The following TBL1XR1 variants were observed in gnomAD, a reference collection of about 807,000 sequenced individuals.
TBL1XR1 encodes F-box-like/WD repeat-containing protein TBL1XR1.
In TBL1XR1, 5 loss-of-function variants were observed where a neutral mutation model predicts 66.9. The observed-to-expected ratio is 0.07, with a 90% CI of 0.04 to 0.16. The LOEUF is 0.16. TBL1XR1 is among the 10% of genes least tolerant of loss of function. The pLI is 1.00. For missense variants in TBL1XR1, 238 were observed against 623.2 expected (o/e 0.38, Z 6.58); for synonymous variants, 210 against 206.0 (o/e 1.02, Z -0.17).
At chr3:177,102,385 A>G (rs987806627) in intron 1 of TBL1XR1, among the ~76,000 whole-genome samples, 2 of 152,312 alleles carry the variant, frequency 1.3e-5, no homozygotes, top group African/African-American at 4.8e-5. Context: ...ACGCAGGACC[A>G]TATTTTTTTA....
chr3:177,083,833 T>TA (rs2108615866), intron 2 of TBL1XR1, among the ~76,000 whole-genome samples: 1 of 152,198 alleles, frequency 6.6e-6, no homozygotes, highest in East Asian at 1.9e-4. Context: ...CTCACGCCTG[T>TA]AATCCCAGCA....
chr3:177,107,254 A>C (rs1469973217), intron 1 of TBL1XR1, among the ~76,000 whole-genome samples: 1 of 152,210 alleles, frequency 6.6e-6, no homozygotes, highest in Non-Finnish European at 1.5e-5. Context: ...CTATTTATCC[A>C]CTACTGATGA....
intron 1 of TBL1XR1, among the ~76,000 whole-genome samples, chr3:177,144,563 C>G (rs1421718915): frequency 1.3e-5 from 2 of 151,814 alleles, no homozygotes; most frequent in African/African-American, 4.8e-5. Flanking sequence ...ACCATCCTGG[C>G]TAGCACAGTG....
Position 177,146,608 on chromosome 3 carries a change from G to A in TBL1XR1, c.-121-48067C>T, listed in dbSNP as rs1238331868. On this transcript the variant is annotated intron_variant, in intron 1 of 15. Coordinates refer to ENST00000457928, the MANE Select transcript of TBL1XR1 (RefSeq NM_024665.7). Reference sequence around the variant, plus strand: ...CCATCTCAAAAAAAAAAAAAAAAAAGTTGTATTCACTACTACTTTTACCAA... The same window carrying A: ...CCATCTCAAAAAAAAAAAAAAAAAAATTGTATTCACTACTACTTTTACCAA... Among the ~76,000 whole-genome samples, 375 of 43,292 alleles carry A rather than the reference G, an allele frequency of 8.7e-3. 2 individuals are homozygous for A. The highest frequency in any genetic ancestry group is 0.018 in the East Asian group (17 of 964). 28.4% of individuals were successfully genotyped at this position (43,292 alleles called of 152,430 possible). A position where few individuals can be genotyped will look rare whatever the true frequency, so the allele number is the denominator to read the frequency against.
At position 177,034,845 on chromosome 3, in the gene TBL1XR1, C is replaced by T. The variant is rs1708783752; in HGVS notation, c.1123-520G>A. On this transcript the variant is annotated intron_variant, in intron 12 of 15. Coordinates refer to ENST00000457928, the MANE Select transcript of TBL1XR1 (RefSeq NM_024665.7). ...AAAAGTAGTCAAAGTAGAGAATAAG[C>T]CTTTCCTGAGATGAAAATATGCCTG... is the stretch of plus-strand genomic sequence containing the variant. Among the ~76,000 whole-genome samples the T allele has an allele frequency of 2.0e-5, 3 of 151,658 alleles. No homozygotes were observed. In the South Asian group the frequency reaches 6.3e-4, roughly 32 times the overall value.
At chr3:177,049,646 T>C (rs1716785196) in intron 7 of TBL1XR1, among the ~76,000 whole-genome samples, 1 of 152,238 alleles carries the variant, frequency 6.6e-6, no homozygotes, top group Non-Finnish European at 1.5e-5. Context: ...TTTAGTATGT[T>C]GTTTGTTATT....
At chr3:177,047,093 A>G (rs1716430765) in intron 9 of TBL1XR1, among the ~76,000 whole-genome samples, 1 of 152,220 alleles carries the variant, frequency 6.6e-6, no homozygotes, top group Admixed American at 6.5e-5. Flanking sequence ...AGGTAAAATT[A>G]AAAGTGTTCA....
chr3:177,182,847 T>C (rs569580150), intron 1 of TBL1XR1, among the ~76,000 whole-genome samples: 1 of 152,186 alleles, frequency 6.6e-6, no homozygotes, highest in Non-Finnish European at 1.5e-5. Context: ...TAAAACAATA[T>C]AATTATCCAA....
intron 2 of TBL1XR1, among the ~76,000 whole-genome samples, chr3:177,083,040 C>A (rs1721637666): frequency 6.6e-6 from 1 of 151,764 alleles, no homozygotes; most frequent in Non-Finnish European, 1.5e-5. Flanking sequence ...AAAATAAATT[C>A]TAATCAATCC....
At chr3:177,153,704 A>G (rs1239456809) in intron 1 of TBL1XR1, among the ~76,000 whole-genome samples, 1 of 151,996 alleles carries the variant, frequency 6.6e-6, no homozygotes, top group African/African-American at 2.4e-5. Flanking sequence ...CCTGGCAGAC[A>G]TGATGAAACC....
chr3:177,193,010 G>C (rs79610136), intron 1 of TBL1XR1, among the ~76,000 whole-genome samples: 2 of 151,810 alleles, frequency 1.3e-5, no homozygotes, highest in Non-Finnish European at 2.9e-5. Flanking sequence ...AAAATTAGCC[G>C]GGAGTGGTGG....
chr3:177,119,169 A>G (rs147706796), intron 1 of TBL1XR1, among the ~76,000 whole-genome samples: 10,800 of 152,134 alleles, frequency 0.071, 538 homozygotes, highest in Admixed American at 0.17. Context: ...ATGGGGTTTC[A>G]CCATGTTGGC....
chr3:177,048,694 A>C (rs1201890444), intron 7 of TBL1XR1, among the ~76,000 whole-genome samples: 1 of 152,226 alleles, frequency 6.6e-6, no homozygotes, highest in African/African-American at 2.4e-5. Flanking sequence ...AAGATGAGAA[A>C]TCTCACAGGC....
chr3:177,072,702 T>C lies in TBL1XR1; in HGVS notation c.-45-7680A>G, dbSNP rs1720188444. On this transcript the variant is annotated intron_variant, in intron 2 of 15. Transcript: ENST00000457928. ...TAGCCACTTTTTTCATGGAACAGCG[T>C]TTATACTTCAAAGAAGAAATGACAA... is the stretch of plus-strand genomic sequence containing the variant. Among the ~76,000 whole-genome samples the C allele has an allele frequency of 2.0e-5, 3 of 152,304 alleles. No homozygotes were observed. The South Asian group carries it at 6.2e-4, about 32-fold the overall frequency.
At chr3:177,032,031 T>C (rs961777874) in intron 14 of TBL1XR1, among the ~76,000 whole-genome samples, 5 of 152,258 alleles carry the variant, frequency 3.3e-5, no homozygotes, top group African/African-American at 9.6e-5. Context: ...CATAAGAAAA[T>C]GCAAATTTAA....
At chr3:177,169,317 A>G (rs1450271004) in intron 1 of TBL1XR1, among the ~76,000 whole-genome samples, 1 of 152,232 alleles carries the variant, frequency 6.6e-6, no homozygotes, top group Admixed American at 6.5e-5. Context: ...AAAAGTGGAT[A>G]AATCTTTGAA....
intron 15 of TBL1XR1, among the ~76,000 whole-genome samples, chr3:177,025,726 C>CA (rs1307725783): frequency 6.6e-6 from 1 of 152,128 alleles, no homozygotes; most frequent in Non-Finnish European, 1.5e-5. Context: ...ACCATGAGCT[C>CA]AAACTGTGGG....
intron 1 of TBL1XR1, among the ~76,000 whole-genome samples, chr3:177,123,011 T>C (rs1262678882): frequency 4.6e-5 from 7 of 152,082 alleles, no homozygotes; most frequent in Admixed American, 4.6e-4. Context: ...CTCCCCACAT[T>C]TTGTCTTGTG....
intron 1 of TBL1XR1, among the ~76,000 whole-genome samples, chr3:177,113,441 C>T (rs1166456291): frequency 6.6e-6 from 1 of 152,128 alleles, no homozygotes. Flanking sequence ...CAATAACCTA[C>T]AGGAGAAAAT....
Sources: gnomAD v4.1 joint callset for allele counts (sites outside exome capture counted in the v4.1 genomes callset) on GRCh38, gnomAD v4.1.1 for gene constraint, MANE v1.5 for transcripts, NCBI Gene and HGNC (gene_info 2026-07-23, HGNC 2026-07-21) for gene names.